The following AKIRIN2 variants were observed in gnomAD, a reference collection of about 807,000 sequenced individuals.
AKIRIN2 encodes the protein akirin 2.
A neutral mutation model predicts 29.3 loss-of-function variants in AKIRIN2; 6 were observed. The observed-to-expected ratio is 0.20, with a 90% CI of 0.11 to 0.40. AKIRIN2 has a LOEUF of 0.40. Ranked by LOEUF, AKIRIN2 falls within the 10% of genes least tolerant of loss-of-function variation. The pLI, the probability that AKIRIN2 is intolerant of heterozygous loss-of-function variation, is 1.00. For missense variants in AKIRIN2, 210 were observed against 276.1 expected (o/e 0.76, Z 1.70); for synonymous variants, 128 against 117.5 (o/e 1.09, Z -0.58).
chr6:87,685,206 C>T (rs1771169352), intron 1 of AKIRIN2, among the ~76,000 whole-genome samples: 1 of 152,134 alleles, frequency 6.6e-6, no homozygotes, highest in African/African-American at 2.4e-5. Context: ...TTAACTTGGC[C>T]AAGATCTCAA....
At chr6:87,676,599 A>ACACGCACGCGCGCG (rs1183767205) in intron 3 of AKIRIN2, among the ~76,000 whole-genome samples, 337 of 25,054 alleles carry the variant, frequency 0.013, 3 homozygotes, top group African/African-American at 0.025. Flanking sequence ...TACTAAAAAC[A>ACACGCACGCGCGCG]CACACACACA....
chr6:87,702,218 T>TC lies in AKIRIN2; in HGVS notation c.-535dup, dbSNP rs1771484171. 1.0e-5 allele frequency: 4 copies of TC among 397,322 alleles called. No homozygotes were observed. The highest frequency in any genetic ancestry group is 1.8e-5 in the Non-Finnish European group (4 of 225,610). 24.6% of individuals were successfully genotyped at this position (397,322 alleles called of 1,614,324 possible). On this transcript the variant is annotated 5_prime_UTR_variant, in exon 1 of 5. Coordinates refer to ENST00000257787, the MANE Select transcript of AKIRIN2 (RefSeq NM_018064.4). ...AGCGAACACGTCCAACCGCTTCCCC[T>TC]CCCTCGTAGAACTCTCCCACCCGCC... is the stretch of plus-strand genomic sequence containing the variant.
chr6:87,686,939 G>A (rs919227071), intron 1 of AKIRIN2, among the ~76,000 whole-genome samples: 1 of 150,848 alleles, frequency 6.6e-6, no homozygotes, highest in South Asian at 2.1e-4. Flanking sequence ...CCAGCTACTC[G>A]GGAGACTGAA....
In AKIRIN2 at chr6:87,690,537, T is replaced by C. The variant is rs577778434; in HGVS notation, c.236-8774A>G. ...GACCTACTTAGGAAAACTCATTACA[T>C]GACATTAACCTATATACAATGATTA... On this transcript the variant is annotated intron_variant, in intron 1 of 4. Transcript: ENST00000257787. Among the ~76,000 whole-genome samples, 104 of 152,362 alleles carry C rather than the reference T, an allele frequency of 6.8e-4. 1 individual carries two copies. Among genetic ancestry groups the C allele is most frequent in the Non-Finnish European group, 5.9e-5 (4 of 68,042 alleles).
chr6:87,675,294 C>A lies in AKIRIN2; in HGVS notation c.*303G>T. 2 of 412,212 alleles carry A rather than the reference C, an allele frequency of 4.9e-6. No individual in the cohort carries two copies. Among genetic ancestry groups the A allele is most frequent in the Non-Finnish European group, 8.8e-6 (2 of 228,432 alleles). 25.5% of individuals were successfully genotyped at this position (412,212 alleles called of 1,614,324 possible). A position where few individuals can be genotyped will look rare whatever the true frequency, so the allele number is the denominator to read the frequency against. On this transcript the variant is annotated 3_prime_UTR_variant, in exon 5 of 5. Coordinates refer to ENST00000257787, the MANE Select transcript of AKIRIN2 (RefSeq NM_018064.4). ...TTTTATTTACACAACCAGTGAAGGGCATGTTCTAGAATACCAGCTTTAATC... is the reference window on the plus strand; with the variant it reads ...TTTTATTTACACAACCAGTGAAGGGAATGTTCTAGAATACCAGCTTTAATC...
At chr6:87,680,548 G>A (rs1472097910) in intron 2 of AKIRIN2, among the ~76,000 whole-genome samples, 1 of 152,016 alleles carries the variant, frequency 6.6e-6, no homozygotes, top group African/African-American at 2.4e-5. Context: ...TGGGATTACA[G>A]GCATGAGCCA....
At chr6:87,698,139 G>A (rs941934041) in intron 1 of AKIRIN2, among the ~76,000 whole-genome samples, 1 of 152,048 alleles carries the variant, frequency 6.6e-6, no homozygotes, top group Admixed American at 6.6e-5. Flanking sequence ...AGCTACTAGA[G>A]GCATTCATTT....
Position 87,700,822 on chromosome 6 carries a change from A to AGC in AKIRIN2, c.235+626_235+627dup, listed in dbSNP as rs1403956821. ...TGATCATATTACAGTACTCGGGAAGAGCATTTTCTTTGTTGTTGACCCTGC... is the reference window on the plus strand; with the variant it reads ...TGATCATATTACAGTACTCGGGAAGAGCGCATTTTCTTTGTTGTTGACCCTGC... On this transcript the variant is annotated intron_variant, in intron 1 of 4. Transcript: ENST00000257787. The AGC allele has an allele frequency of 7.7e-5, 12 of 154,888 alleles. No homozygotes were observed. The East Asian group carries it at 2.1e-3, about 27-fold the overall frequency. 9.6% of individuals were successfully genotyped at this position (154,888 alleles called of 1,614,324 possible). A position where few individuals can be genotyped will look rare whatever the true frequency, so the allele number is the denominator to read the frequency against.
chr6:87,677,690 G>A, intron 3 of AKIRIN2, 128 bp downstream of exon 3: 6 of 1,184,740 alleles, frequency 5.1e-6, no homozygotes, highest in Non-Finnish European at 7.0e-6. Context: ...TTTCTTTCCT[G>A]AACTGAAATT....
intron 1 of AKIRIN2, among the ~76,000 whole-genome samples, chr6:87,683,284 A>C (rs887091973): frequency 6.6e-6 from 1 of 152,244 alleles, no homozygotes; most frequent in Non-Finnish European, 1.5e-5. Flanking sequence ...AAACAGGTCT[A>C]TAATGATTAA....
chr6:87,698,031 A>T (rs1771399131), intron 1 of AKIRIN2, among the ~76,000 whole-genome samples: 1 of 152,218 alleles, frequency 6.6e-6, no homozygotes, highest in Non-Finnish European at 1.5e-5. Context: ...ATGTCATGAC[A>T]ATCTTTTGGC....
Position 87,675,029 on chromosome 6 carries a change from A to G in AKIRIN2, c.*568T>C, listed in dbSNP as rs926395773. 6.6e-6 allele frequency: 1 copy of G among 151,602 alleles called. No individual in the cohort carries two copies. Among genetic ancestry groups the G allele is most frequent in the Non-Finnish European group, 1.5e-5 (1 of 68,074 alleles). 9.4% of individuals were successfully genotyped at this position (151,602 alleles called of 1,614,324 possible). On this transcript the variant is annotated 3_prime_UTR_variant, in exon 5 of 5. Transcript: ENST00000257787. ...AAATGCAGCAATAAACATTTGTTAA[A>G]AAGACTGATAGAATAAATAAAACTA...
chr6:87,676,596 A>AACACACACACACACAC (rs112353955), intron 3 of AKIRIN2, among the ~76,000 whole-genome samples: 2,395 of 142,046 alleles, frequency 0.017, 43 homozygotes, highest in African/African-American at 0.052. Flanking sequence ...CTCTACTAAA[A>AACACACACACACACAC]ACACACACAC....
At chr6:87,687,323 A>AC (rs1331165195) in intron 1 of AKIRIN2, among the ~76,000 whole-genome samples, 1 of 149,734 alleles carries the variant, frequency 6.7e-6, no homozygotes, top group East Asian at 2.0e-4. Flanking sequence ...TGGGCAGATC[A>AC]CCTGAGGTTG....
intron 1 of AKIRIN2, among the ~76,000 whole-genome samples, chr6:87,684,587 T>C (rs1036472451): frequency 7.2e-5 from 11 of 152,230 alleles, no homozygotes; most frequent in Non-Finnish European, 1.3e-4. Context: ...TATTACTACA[T>C]AGTTTTGCCT....
At chr6:87,692,765 G>A (rs58060521) in intron 1 of AKIRIN2, among the ~76,000 whole-genome samples, 20,543 of 152,192 alleles carry the variant, frequency 0.13, 1,573 homozygotes, top group African/African-American at 0.2. Context: ...AGCCGAGATC[G>A]TGCCACTGCA....
chr6:87,701,639 G>A lies in AKIRIN2; in HGVS notation c.46C>T (p.Leu16=), dbSNP rs1432725442. 5.5e-6 allele frequency: 8 copies of A among 1,467,296 alleles called. No homozygotes were observed. The highest frequency in any genetic ancestry group is 1.5e-5 in the African/African-American group (1 of 67,134). 90.9% of individuals were successfully genotyped at this position (1,467,296 alleles called of 1,614,324 possible). Residue 16 remains leucine (L), a synonymous_variant, in exon 1 of 5, where the codon CTG becomes TTG. Transcript: ENST00000257787. ...CGCTTCGGGGACGCCGGGCTCAACA[G>A]CGGGTCGAAATCCAGAGTCCTTTTC... ...TLKRTLDFDP[L]LSPASPKRRR...
chr6:87,698,054 T>G (rs1771399351), intron 1 of AKIRIN2, among the ~76,000 whole-genome samples: 1 of 152,198 alleles, frequency 6.6e-6, no homozygotes, highest in South Asian at 2.1e-4. Flanking sequence ...AATGGTAGTA[T>G]TATGAGATGT....
chr6:87,697,692 T>C (rs1045082107), intron 1 of AKIRIN2, among the ~76,000 whole-genome samples: 2 of 152,366 alleles, frequency 1.3e-5, no homozygotes, highest in Admixed American at 6.5e-5. Context: ...CATGCATCAA[T>C]GTCTGGTGAA....
Sources: allele counts gnomAD v4.1 joint callset (sites outside exome capture counted in the v4.1 genomes callset), GRCh38; gene constraint gnomAD v4.1.1; transcripts MANE v1.5; gene names NCBI Gene and HGNC (gene_info 2026-07-23, HGNC 2026-07-21).